Variants in ATP10A observed in about 807,000 individuals in gnomAD.
ATP10A encodes ATPase phospholipid transporting 10A (putative), also known as phospholipid-transporting ATPase VA.
In ATP10A, 111 loss-of-function variants were observed where a neutral mutation model predicts 147.8. The ratio of observed to expected loss-of-function variants is 0.75; its 90% CI spans 0.64 to 0.88. ATP10A has a LOEUF of 0.88. Among genes scored for constraint, ATP10A ranks in the 40% least tolerant of loss-of-function variants. The probability of loss-of-function intolerance (pLI) is 0.00; values close to 1 mark genes in which losing one functional copy is unlikely to be tolerated. For synonymous variants in ATP10A, 875 were observed against 841.6 expected, an observed-to-expected ratio of 1.04 and a Z score of -0.69; for missense variants, 1,927 against 1,959.0, an observed-to-expected ratio of 0.98 and a Z score of 0.31.
Position 25,679,714 on chromosome 15 carries a change from C to T in ATP10A, c.4127G>A (p.Ser1376Asn), listed in dbSNP as rs770637838. The change falls in exon 21 of 21, where the codon AGC becomes AAC. Residue 1376 changes from serine (S) to asparagine (N), a missense_variant. Coordinates refer to ENST00000555815, the MANE Select transcript of ATP10A (RefSeq NM_024490.4). Reference protein sequence around the residue: ...ASGEPSTVDMSMPVREHTLLE... With the variant: ...ASGEPSTVDMNMPVREHTLLE... ...CAGGGTGTGCTCCCTCACTGGCATG[C>T]TCATGTCCACTGTGCTGGGCTCCCC... 1 of 1,613,386 alleles carries T rather than the reference C, an allele frequency of 6.2e-7. No individual in the cohort carries two copies. Among genetic ancestry groups the T allele is most frequent in the South Asian group, 1.1e-5 (1 of 91,078 alleles).
chr15:25,757,035 T>G (rs1445688309), intron 2 of ATP10A, among the ~76,000 whole-genome samples: 1 of 152,246 alleles, frequency 6.6e-6, no homozygotes, highest in Non-Finnish European at 1.5e-5. Context: ...TTCTTCATAG[T>G]TCAAAAAATC....
In ATP10A at chr15:25,687,751, G is replaced by A. The variant is rs115186156; in HGVS notation, c.3243C>T (p.Cys1081=). ...GCACCATGTTGGCAAGTCGGGAGTAGCACCAATGCCCGTGAAGAATCAAGA... is the reference window on the plus strand; with the variant it reads ...GCACCATGTTGGCAAGTCGGGAGTAACACCAATGCCCGTGAAGAATCAAGA... The part of the protein sequence containing the change: ...ERLLILHGHW[C]YSRLANMVLY... Residue 1081 remains cysteine (C), a synonymous_variant, in exon 16 of 21, where the codon TGC becomes TGT. Transcript: ENST00000555815. 234 of 1,612,936 alleles carry A rather than the reference G, an allele frequency of 1.5e-4. No homozygotes were observed. The African/African-American group carries it at 2.8e-3, about 19-fold the overall frequency.
chr15:25,861,294 A>G (rs1424732648), intron 1 of ATP10A, among the ~76,000 whole-genome samples: 1 of 152,220 alleles, frequency 6.6e-6, no homozygotes, highest in Non-Finnish European at 1.5e-5. Context: ...GACTCTTACA[A>G]AAGTTTCAGA....
chr15:25,708,250 A>G lies in ATP10A; in HGVS notation c.2395T>C (p.Tyr799His), dbSNP rs1221866158. The G allele has an allele frequency of 1.2e-6, 2 of 1,614,170 alleles. No individual in the cohort carries two copies. The highest frequency in any genetic ancestry group is 1.7e-6 in the Non-Finnish European group (2 of 1,180,028). Reference sequence around the variant, plus strand: ...CCTTCCGCCGCATACACGTTGAGGTAATTCTGAGTTTTGCTCCGAATCTTT... The same window carrying G: ...CCTTCCGCCGCATACACGTTGAGGTGATTCTGAGTTTTGCTCCGAATCTTT... ...QKKIRSKTQN[Y>H]LNVYAAEGLR... The change falls in exon 11 of 21, where the codon TAC becomes CAC. Residue 799 changes from tyrosine (Y) to histidine (H), a missense_variant. Physicochemically the swap from Tyr to His is moderately conservative, Grantham distance 83. Coordinates refer to ENST00000555815, the MANE Select transcript of ATP10A (RefSeq NM_024490.4).
rs569511919 is a variant in ATP10A at position 25,844,253 on chromosome 15, C to G, written c.449+18395G>C. Among the ~76,000 whole-genome samples, 7 of 152,232 alleles carry G rather than the reference C, an allele frequency of 4.6e-5. No individual in the cohort carries two copies. The East Asian group carries it at 1.4e-3, about 29-fold the overall frequency. ...AGAATCTGCCATTCAGTAGAAGGGA[C>G]CCTGAGGGAACAGGTGGTGCGTTTC... On this transcript the variant is annotated intron_variant, in intron 1 of 20. Transcript: ENST00000555815.
At chr15:25,781,727 A>G (rs1240259315) in intron 1 of ATP10A, among the ~76,000 whole-genome samples, 1 of 152,212 alleles carries the variant, frequency 6.6e-6, no homozygotes, top group Non-Finnish European at 1.5e-5. Context: ...AGAAAAGAGT[A>G]TTCATAAAGG....
intron 2 of ATP10A, among the ~76,000 whole-genome samples, chr15:25,752,600 T>A (rs1179047904): frequency 6.6e-6 from 1 of 152,190 alleles, no homozygotes; most frequent in Non-Finnish European, 1.5e-5. Flanking sequence ...GATATGTGAA[T>A]CTTCCAACTT....
chr15:25,722,443 A>C (rs1902302727), intron 6 of ATP10A, among the ~76,000 whole-genome samples: 1 of 152,226 alleles, frequency 6.6e-6, no homozygotes, highest in Admixed American at 6.5e-5. Context: ...GAGGAAAGGG[A>C]AAGAGGCTTT....
chr15:25,846,194 C>A (rs1893017900), intron 1 of ATP10A, among the ~76,000 whole-genome samples: 1 of 152,040 alleles, frequency 6.6e-6, no homozygotes, highest in Admixed American at 6.5e-5. Flanking sequence ...CACAAAGTTT[C>A]CGTTTGGGAG....
chr15:25,840,964 T>C (rs533547735), intron 1 of ATP10A, among the ~76,000 whole-genome samples: 1 of 152,234 alleles, frequency 6.6e-6, no homozygotes, highest in Non-Finnish European at 1.5e-5. Flanking sequence ...ATGTCTCATG[T>C]CTTGCCCATT....
At chr15:25,729,891 C>G (rs1318337357) in intron 3 of ATP10A, among the ~76,000 whole-genome samples, 2 of 152,180 alleles carry the variant, frequency 1.3e-5, no homozygotes, top group East Asian at 1.9e-4. Context: ...GTGCCTACCT[C>G]AGAGCCTGGC....
rs540838161 is a variant in ATP10A, at chr15:25,679,075, A to C, written c.*266T>G. 5.4e-6 allele frequency: 1 copy of C among 184,562 alleles called. No homozygotes were observed. Among genetic ancestry groups the C allele is most frequent in the South Asian group, 1.9e-4 (1 of 5,188 alleles). 11.4% of individuals were successfully genotyped at this position (184,562 alleles called of 1,614,324 possible). On this transcript the variant is annotated 3_prime_UTR_variant, in exon 21 of 21. Transcript: ENST00000555815. Reference sequence around the variant, plus strand: ...CAAATCGTACTGCTTGTTCTTAAAAATGAGATGAAAAAATAAATCTAAACA... The same window carrying C: ...CAAATCGTACTGCTTGTTCTTAAAACTGAGATGAAAAAATAAATCTAAACA...
At chr15:25,725,588 T>C (rs1310147569) in intron 5 of ATP10A, among the ~76,000 whole-genome samples, 1 of 151,910 alleles carries the variant, frequency 6.6e-6, no homozygotes, top group African/African-American at 2.4e-5. Flanking sequence ...GGTTTGCATG[T>C]CTGGGGGCAG....
chr15:25,829,778 AGTGGGATGGGAGGCG>A (rs1892274532), intron 1 of ATP10A, among the ~76,000 whole-genome samples: 2 of 152,078 alleles, frequency 1.3e-5, no homozygotes, highest in African/African-American at 2.4e-5. Flanking sequence ...GCCAAGGCGT[AGTGGGATGGGAGGCG>A]GAGAGTGAGG....
chr15:25,785,757 C>T (rs867443660), intron 1 of ATP10A, among the ~76,000 whole-genome samples: 1 of 152,184 alleles, frequency 6.6e-6, no homozygotes. Flanking sequence ...ACAGGAAGAA[C>T]GGCTGGCTGG....
At chr15:25,705,327 T>C (rs1900912111) in intron 12 of ATP10A, among the ~76,000 whole-genome samples, 2 of 151,564 alleles carry the variant, frequency 1.3e-5, no homozygotes, top group Admixed American at 1.3e-4. Flanking sequence ...TCCCAGCTAC[T>C]CAGGAGGCTG....
At chr15:25,751,871 T>C (rs1332051789) in intron 2 of ATP10A, among the ~76,000 whole-genome samples, 1 of 152,122 alleles carries the variant, frequency 6.6e-6, no homozygotes, top group Non-Finnish European at 1.5e-5. Context: ...TAAACATTGC[T>C]TAGAAGAAGA....
At chr15:25,777,620 A>T (rs543530799) in intron 2 of ATP10A, among the ~76,000 whole-genome samples, 4 of 151,840 alleles carry the variant, frequency 2.6e-5, no homozygotes, top group Non-Finnish European at 5.9e-5. Context: ...TATATTGGAG[A>T]CAGAGATAGG....
chr15:25,808,636 G>A (rs375122729), intron 1 of ATP10A, among the ~76,000 whole-genome samples: 2 of 152,148 alleles, frequency 1.3e-5, no homozygotes, highest in South Asian at 2.1e-4. Context: ...CACCCGCCTC[G>A]GACTCCCCAA....
Sources: allele counts gnomAD v4.1 joint callset (sites outside exome capture counted in the v4.1 genomes callset), GRCh38; gene constraint gnomAD v4.1.1; transcripts MANE v1.5; gene names NCBI Gene and HGNC (gene_info 2026-07-23, HGNC 2026-07-21).